The following PCDH11X variants were observed in gnomAD, a reference collection of about 807,000 sequenced individuals.
The protein encoded by PCDH11X is protocadherin 11 X-linked, also known as protocadherin-11 X-linked.
In PCDH11X, 18 loss-of-function variants were observed where a neutral mutation model predicts 53.3. The ratio of observed to expected loss-of-function variants is 0.34; its 90% CI spans 0.23 to 0.50. The LOEUF (loss-of-function observed/expected upper bound fraction) is 0.50. Among genes scored for constraint, PCDH11X ranks in the 20% least tolerant of loss-of-function variants. The probability of loss-of-function intolerance (pLI) is 0.98; values close to 1 mark genes in which losing one functional copy is unlikely to be tolerated. For missense variants in PCDH11X, 570 were observed against 1,032.4 expected, an observed-to-expected ratio of 0.55 and a Z score of 6.14; for synonymous variants, 279 against 393.3, an observed-to-expected ratio of 0.71 and a Z score of 3.44.
intron 6 of PCDH11X, among the ~76,000 whole-genome samples, chrX:92,100,479 A>T (rs1262251242): frequency 9.1e-6 from 1 of 110,364 alleles, no homozygotes; most frequent in Non-Finnish European, 1.9e-5. Context: ...TTGAGCCAGG[A>T]TGAGCCAGGA....
intron 1 of PCDH11X, among the ~76,000 whole-genome samples, chrX:91,797,532 T>G (rs1289316764): frequency 3.7e-5 from 4 of 107,841 alleles, no homozygotes; most frequent in Non-Finnish European, 7.7e-5. Context: ...AATACTGAGA[T>G]AAATACTGGA....
chrX:92,524,041 C>T (rs2074408911), intron 10 of PCDH11X, among the ~76,000 whole-genome samples: 2 of 108,858 alleles, frequency 1.8e-5, no homozygotes. Context: ...TGAGTAAACG[C>T]TTAGCACAGA....
intron 6 of PCDH11X, among the ~76,000 whole-genome samples, chrX:92,068,352 A>G (rs1413277275): frequency 9.1e-6 from 1 of 109,705 alleles, no homozygotes; most frequent in Non-Finnish European, 1.9e-5. Context: ...ATTTTGGTAT[A>G]TTGTGTTTCC....
At chrX:92,127,518 CTT>C (rs35828888) in intron 6 of PCDH11X, among the ~76,000 whole-genome samples, 29 of 88,402 alleles carry the variant, frequency 3.3e-4, no homozygotes, top group Middle Eastern at 5.8e-3. Flanking sequence ...TTTCCCCCCA[CTT>C]TTTTTTTTTT....
At position 92,084,265 on chromosome X, in the gene PCDH11X, G is replaced by A. The variant is rs372235236; in HGVS notation, c.3034-117110G>A. ...AGTTTTTGAAAATTTGGAAGAGTTC[G>A]GGCCGGGTGCAGTGGCTAACACCTG... is the stretch of plus-strand genomic sequence containing the variant. On this transcript the variant is annotated intron_variant, in intron 6 of 10. Coordinates refer to ENST00000682573, the MANE Select transcript of PCDH11X (RefSeq NM_032968.5). Among the ~76,000 whole-genome samples, 14 of 110,373 alleles carry A rather than the reference G, an allele frequency of 1.3e-4. No homozygotes were observed. In the East Asian group the frequency reaches 2.3e-3, roughly 18 times the overall value.
chrX:92,212,172 C>T (rs1255202292), intron 7 of PCDH11X, among the ~76,000 whole-genome samples: 1 of 109,329 alleles, frequency 9.1e-6, no homozygotes, highest in African/African-American at 3.3e-5. Context: ...CCACCACACT[C>T]CACTAATATT....
chrX:91,965,209 T>TATAA (rs2061847721), intron 6 of PCDH11X, among the ~76,000 whole-genome samples: 2 of 109,102 alleles, frequency 1.8e-5, no homozygotes, highest in East Asian at 5.8e-4. Context: ...AGACAATGCA[T>TATAA]GAGAAAGCTG....
chrX:91,948,760 G>T (rs2061605061), intron 6 of PCDH11X, among the ~76,000 whole-genome samples: 1 of 110,242 alleles, frequency 9.1e-6, no homozygotes. Flanking sequence ...AGTGGAGATT[G>T]ATATCCAAGG....
chrX:91,905,502 C>T (rs184604300), intron 6 of PCDH11X, among the ~76,000 whole-genome samples: 367 of 110,949 alleles, frequency 3.3e-3, no homozygotes, highest in Non-Finnish European at 5.0e-3. Flanking sequence ...AATACTCTAA[C>T]GGATAATCTA....
chrX:92,525,172 T>C (rs1347317692), intron 10 of PCDH11X, among the ~76,000 whole-genome samples: 4 of 112,058 alleles, frequency 3.6e-5, no homozygotes, highest in Non-Finnish European at 5.6e-5. Flanking sequence ...CTTATTAATT[T>C]TGAATTCTTT....
chrX:92,507,070 C>T (rs1489272603), intron 10 of PCDH11X, among the ~76,000 whole-genome samples: 1 of 110,261 alleles, frequency 9.1e-6, no homozygotes, highest in Non-Finnish European at 1.9e-5. Flanking sequence ...GTATTAAAGC[C>T]CCCTTTTTCA....
At chrX:91,786,829 T>C (rs1311305021) in intron 1 of PCDH11X, among the ~76,000 whole-genome samples, 1 of 110,070 alleles carries the variant, frequency 9.1e-6, no homozygotes, top group Non-Finnish European at 1.9e-5. Context: ...CCAACATCCC[T>C]TCTTGCCTCT....
At chrX:92,132,687 GTATATATATATATA>G (rs369282634) in intron 6 of PCDH11X, among the ~76,000 whole-genome samples, 1 of 67,738 alleles carries the variant, frequency 1.5e-5, no homozygotes, top group East Asian at 4.2e-4. Flanking sequence ...ATATATATAT[GTATATATATATATA>G]TATATGTATA....
At chrX:92,068,311 C>G (rs1446585168) in intron 6 of PCDH11X, among the ~76,000 whole-genome samples, 1 of 110,189 alleles carries the variant, frequency 9.1e-6, no homozygotes, top group Non-Finnish European at 1.9e-5. Context: ...ATCAATCTCC[C>G]CCTTAGTACT....
chrX:92,312,041 A>C (rs772958824), intron 8 of PCDH11X, among the ~76,000 whole-genome samples: 1 of 111,715 alleles, frequency 9.0e-6, no homozygotes, highest in African/African-American at 3.2e-5. Context: ...TCTGTAGAGT[A>C]AATAAGCATT....
chrX:92,219,225 T>A (rs376494008), intron 7 of PCDH11X, among the ~76,000 whole-genome samples: 1 of 110,377 alleles, frequency 9.1e-6, no homozygotes, highest in African/African-American at 3.3e-5. Flanking sequence ...GGAAATAAAG[T>A]GTATTCAATT....
intron 7 of PCDH11X, among the ~76,000 whole-genome samples, chrX:92,242,972 C>T (rs1018498038): frequency 1.4e-4 from 15 of 110,398 alleles, no homozygotes; most frequent in African/African-American, 4.9e-4. Context: ...CTTTTTTTTA[C>T]TATTGAATTT....
intron 5 of PCDH11X, among the ~76,000 whole-genome samples, chrX:91,871,852 A>G (rs1438472068): frequency 9.0e-6 from 1 of 111,267 alleles, no homozygotes; most frequent in African/African-American, 3.2e-5. Context: ...TTGCAATCCT[A>G]AAGTTTATTT....
chrX:92,233,960 A>G (rs1444082004), intron 7 of PCDH11X, among the ~76,000 whole-genome samples: 3 of 112,080 alleles, frequency 2.7e-5, no homozygotes, highest in Admixed American at 9.6e-5. Flanking sequence ...TTTTCTGTCA[A>G]TATTGGCATA....
Sources: gnomAD v4.1 joint callset for allele counts (sites outside exome capture counted in the v4.1 genomes callset) on GRCh38, gnomAD v4.1.1 for gene constraint, MANE v1.5 for transcripts, NCBI Gene and HGNC (gene_info 2026-07-23, HGNC 2026-07-21) for gene names.